The following LRPPRC variants were observed in gnomAD, a reference collection of about 807,000 sequenced individuals.
LRPPRC encodes leucine rich pentatricopeptide repeat containing, also known as leucine-rich PPR motif-containing protein, mitochondrial.
Under a neutral mutation model 180.3 loss-of-function variants are expected in LRPPRC, and 120 were observed. The observed-to-expected ratio is 0.67, with a 90% CI of 0.57 to 0.77. The LOEUF is 0.77. LRPPRC is among the 30% of genes least tolerant of loss of function. The probability of loss-of-function intolerance (pLI) is 0.00; values close to 1 mark genes in which losing one functional copy is unlikely to be tolerated. For missense variants in LRPPRC, 2,012 were observed against 1,657.2 expected, an observed-to-expected ratio of 1.21 and a Z score of -3.72; for synonymous variants, 723 against 600.0, an observed-to-expected ratio of 1.21 and a Z score of -3.00.
chr2:43,957,273 G>C (rs182106902), intron 14 of LRPPRC, 112 bp downstream of exon 14: 5 of 808,348 alleles, frequency 6.2e-6, no homozygotes, highest in Non-Finnish European at 1.1e-5. Context: ...CAGGTAAACT[G>C]AATGTACACT....
At chr2:43,973,507 G>A in intron 11 of LRPPRC, 100 bp downstream of exon 11, 1 of 791,838 alleles carries the variant, frequency 1.3e-6, no homozygotes, top group Non-Finnish European at 2.3e-6. Flanking sequence ...ATAATACTCA[G>A]GAATAAGTAT....
chr2:43,948,270 A>C, intron 17 of LRPPRC, 71 bp from the exon 18 acceptor site: 1 of 981,264 alleles, frequency 1.0e-6, no homozygotes, highest in Non-Finnish European at 1.7e-6. Flanking sequence ...GTCTAACAGA[A>C]ATTATCTCAG....
At chr2:43,958,091 C>T (rs930223592) in intron 13 of LRPPRC, among the ~76,000 whole-genome samples, 6 of 152,198 alleles carry the variant, frequency 3.9e-5, no homozygotes, top group African/African-American at 1.2e-4. Context: ...TGTTTCAATG[C>T]TGACATTATA....
rs772236070 is a variant in LRPPRC, at chr2:43,975,093, G to C, written c.862C>G (p.Gln288Glu). ...GTTTATTTAGACATAAGTCATACCT[G>C]CTTAACATGGTCAATGTCGCCCTTC... is the stretch of plus-strand genomic sequence containing the variant. ...AEKGDIDHVK[Q>E]TLEKVEKSEL... is the part of the protein sequence containing the mutation. The change falls in exon 7 of 38, where the codon CAG (glutamine) becomes GAG (glutamate). Residue 288 changes from glutamine to glutamate, a missense_variant and splice_region_variant. Coordinates refer to ENST00000260665, the MANE Select transcript of LRPPRC (RefSeq NM_133259.4). The C allele has an allele frequency of 6.2e-7, 1 of 1,612,446 alleles. No homozygotes were observed. The highest frequency in any genetic ancestry group is 1.1e-5 in the South Asian group (1 of 91,062).
At chr2:43,993,738 GAA>G (rs35822908) in intron 1 of LRPPRC, among the ~76,000 whole-genome samples, 94 of 143,742 alleles carry the variant, frequency 6.5e-4, no homozygotes, top group African/African-American at 1.8e-3. Context: ...TTCTACTAAA[GAA>G]AAAAAAAAAA....
intron 34 of LRPPRC, among the ~76,000 whole-genome samples, chr2:43,898,464 G>A (rs1026225213): frequency 2.0e-5 from 3 of 152,166 alleles, no homozygotes; most frequent in African/African-American, 4.8e-5. Context: ...GCGGGATCAC[G>A]GTGACTGTTT....
chr2:43,919,684 T>G (rs1671626920), intron 27 of LRPPRC, among the ~76,000 whole-genome samples: 1 of 152,108 alleles, frequency 6.6e-6, no homozygotes, highest in South Asian at 2.1e-4. Context: ...ATCAAGTCAT[T>G]TAATATAATA....
intron 11 of LRPPRC, among the ~76,000 whole-genome samples, chr2:43,966,912 G>A (rs988881320): frequency 1.4e-4 from 22 of 151,740 alleles, no homozygotes; most frequent in Admixed American, 7.9e-4. Context: ...TTTGCTGGGT[G>A]TGGTGGCACA....
intron 25 of LRPPRC, among the ~76,000 whole-genome samples, chr2:43,930,179 A>AGAGATCAAAATGTACTCCGGCTGCAGC (rs1391675915): frequency 1.3e-5 from 2 of 152,086 alleles, no homozygotes; most frequent in African/African-American, 2.4e-5. Flanking sequence ...CCCACTGAGA[A>AGAGATCAAAATGTACTCCGGCTGCAGC]GAGATCAAAA....
intron 1 of LRPPRC, 76 bp downstream of exon 1, chr2:43,995,723 C>T: frequency 7.8e-7 from 1 of 1,286,574 alleles, no homozygotes; most frequent in Non-Finnish European, 1.0e-6. Context: ...AGGCAGGACC[C>T]GGTCCCTGCC....
At position 43,946,117 on chromosome 2, in the gene LRPPRC, C is replaced by G; in HGVS notation, c.2206G>C (p.Glu736Gln). Reference protein sequence around the residue: ...KVEDALNLKEEFDRLDSSAVL... With the variant: ...KVEDALNLKEQFDRLDSSAVL... ...TTTCAGTGCCAGGGTACTCACAATT[C>G]TTCTTTCAAGTTCAAGGCATCTTCT... Residue 736 changes from glutamate to glutamine, a missense_variant, in exon 21 of 38, where the codon GAA (glutamate) becomes CAA (glutamine). Coordinates refer to ENST00000260665, the MANE Select transcript of LRPPRC (RefSeq NM_133259.4). The G allele has an allele frequency of 6.2e-7, 1 of 1,612,512 alleles. No individual in the cohort carries two copies. Among genetic ancestry groups the G allele is most frequent in the South Asian group, 1.1e-5 (1 of 91,048 alleles).
Position 43,977,179 on chromosome 2 carries a change from C to T in LRPPRC, c.567G>A (p.Glu189=), listed in dbSNP as rs533996978. The T allele has an allele frequency of 6.2e-7, 1 of 1,611,158 alleles. No homozygotes were observed. The part of the protein sequence containing the change: ...FSPTDFLAKM[E]EANIQPNRVT... ...CTCGATTTGGTTGAATGTTTGCTTC[C>T]TCCATTTTTGCCAGGAAATCAGTTG... Residue 189 remains glutamate, a synonymous_variant, in exon 4 of 38, where the codon GAG becomes GAA. Coordinates refer to ENST00000260665, the MANE Select transcript of LRPPRC (RefSeq NM_133259.4).
chr2:43,964,033 G>C (rs550661529), intron 11 of LRPPRC, among the ~76,000 whole-genome samples: 1 of 152,136 alleles, frequency 6.6e-6, no homozygotes, highest in Non-Finnish European at 1.5e-5. Context: ...CTATTATAGA[G>C]CAATGATGGA....
In LRPPRC at chr2:43,949,641, T is replaced by G. The variant is rs757232027; in HGVS notation, c.1696A>C (p.Lys566Gln). The change falls in exon 16 of 38, where the codon AAG becomes CAG. Residue 566 changes from lysine to glutamine, a missense_variant. By Grantham distance (53) the Lys-to-Gln change is moderately conservative (BLOSUM62 1). Coordinates refer to ENST00000260665, the MANE Select transcript of LRPPRC (RefSeq NM_133259.4). Reference protein sequence around the residue: ...LWSEITELLYKDGRYCQEPRG... With the variant: ...LWSEITELLYQDGRYCQEPRG... ...GGCTCCTGGCAATAACGTCCATCCT[T>G]GTACAACAATTCTGTTATCTGGTAA... 1.9e-6 allele frequency: 3 copies of G among 1,613,910 alleles called. No individual in the cohort carries two copies. In the South Asian group the frequency reaches 3.3e-5, roughly 18 times the overall value.
rs954629936 is a variant in LRPPRC, at chr2:43,981,443, G to A, written c.346+795C>T. 2.6e-5 allele frequency among the ~76,000 whole-genome samples: 4 copies of A among 152,190 alleles called. No individual in the cohort carries two copies. The South Asian group carries it at 6.2e-4, about 24-fold the overall frequency. The stretch of plus-strand genomic sequence containing the variant: ...TGGGAGGCCAAGGCGGGTGGATCAC[G>A]AGGTCAGGAGTTCGAGACCAGCCTG... On this transcript the variant is annotated intron_variant, in intron 2 of 37. Coordinates refer to ENST00000260665, the MANE Select transcript of LRPPRC (RefSeq NM_133259.4).
chr2:43,950,498 A>G, intron 15 of LRPPRC, 75 bp downstream of exon 15: 3 of 1,313,484 alleles, frequency 2.3e-6, no homozygotes, highest in Non-Finnish European at 3.3e-6. Flanking sequence ...TCATGATAAA[A>G]ATTATTACAT....
chr2:43,967,180 C>T (rs1032769975), intron 11 of LRPPRC, among the ~76,000 whole-genome samples: 4 of 152,238 alleles, frequency 2.6e-5, no homozygotes, highest in Admixed American at 6.5e-5. Flanking sequence ...GGGAGGATTG[C>T]TTGAACCCAG....
intron 13 of LRPPRC, 35 bp downstream of exon 13, chr2:43,960,506 A>G (rs914374116): frequency 3.6e-6 from 4 of 1,101,826 alleles, no homozygotes; most frequent in Middle Eastern, 2.0e-4. Context: ...TGAAATAAAC[A>G]TCTATCAAGT....
Position 43,955,695 on chromosome 2 carries a change from C to A in LRPPRC, c.1649+1690G>T, listed in dbSNP as rs894297604. ...GTAAAGGCTGCAGTAGGCTGATTAA[C>A]CCACTGCACTCTGGCCTTGGGGACA... On this transcript the variant is annotated intron_variant, in intron 14 of 37. Transcript: ENST00000260665. Among the ~76,000 whole-genome samples the A allele has an allele frequency of 8.6e-5, 13 of 151,562 alleles. 1 individual carries two copies. The highest frequency in any genetic ancestry group is 3.2e-4 in the African/African-American group (13 of 41,010).
Sources: gnomAD v4.1 joint callset for allele counts (sites outside exome capture counted in the v4.1 genomes callset) on GRCh38, gnomAD v4.1.1 for gene constraint, MANE v1.5 for transcripts, NCBI Gene and HGNC (gene_info 2026-07-23, HGNC 2026-07-21) for gene names.